POU6F2: variants seen among roughly 807,000 people sequenced by gnomAD.
The protein encoded by POU6F2 is POU domain, class 6, transcription factor 2.
POU6F2 carries 31 observed loss-of-function variants against 71.3 expected under a neutral mutation model. The observed-to-expected ratio is 0.43, with a 90% CI of 0.33 to 0.59. POU6F2 has a LOEUF of 0.59. POU6F2 is among the 20% of genes least tolerant of loss of function. The pLI is 0.04. For missense variants in POU6F2, 783 were observed against 856.8 expected (o/e 0.91, Z 1.07); for synonymous variants, 347 against 355.7 (o/e 0.98, Z 0.27).
chr7:39,276,907 TA>T (rs1784451215), intron 4 of POU6F2, among the ~76,000 whole-genome samples: 1 of 74,874 alleles, frequency 1.3e-5, no homozygotes, highest in Non-Finnish European at 2.6e-5. Flanking sequence ...TGTTGTGGGG[TA>T]GGGGGAGGGG....
At chr7:39,182,744 C>T (rs915061160) in intron 2 of POU6F2, among the ~76,000 whole-genome samples, 8 of 151,998 alleles carry the variant, frequency 5.3e-5, no homozygotes, top group African/African-American at 1.7e-4. Context: ...GTTTTCTAAC[C>T]CAGTCTTCCT....
At chr7:39,262,220 G>A (rs920504349) in intron 4 of POU6F2, among the ~76,000 whole-genome samples, 8 of 152,170 alleles carry the variant, frequency 5.3e-5, no homozygotes, top group African/African-American at 1.9e-4. Context: ...AGGTTGTTAT[G>A]AGACCTTGGT....
chr7:39,196,154 A>G (rs1793783236), intron 2 of POU6F2, among the ~76,000 whole-genome samples: 1 of 152,234 alleles, frequency 6.6e-6, no homozygotes, highest in South Asian at 2.1e-4. Context: ...CCAGGAGAGA[A>G]AAATCTGTGG....
intron 2 of POU6F2, among the ~76,000 whole-genome samples, chr7:39,189,117 A>G (rs140921521): frequency 1.3e-5 from 2 of 152,136 alleles, no homozygotes; most frequent in East Asian, 3.9e-4. Context: ...GGTGCTCACA[A>G]CTGAGGTCTT....
rs201186592 is a variant in POU6F2, at chr7:39,201,030, C to CA, written c.278-3196dup. On this transcript the variant is annotated intron_variant, in intron 2 of 9. Coordinates refer to ENST00000518318, the MANE Select transcript of POU6F2 (RefSeq NM_001370959.1). The stretch of plus-strand genomic sequence containing the variant: ...CAACAGAGTGAGATACTGTCTCTCT[C>CA]AAAAAAAAATACAAATTAAATATTT... Among the ~76,000 whole-genome samples the CA allele has an allele frequency of 2.4e-3, 359 of 149,284 alleles. 2 individuals carry two copies. Among genetic ancestry groups the CA allele is most frequent in the Middle Eastern group, 0.017 (5 of 292 alleles).
chr7:39,448,850 G>A (rs1369429115), intron 7 of POU6F2, among the ~76,000 whole-genome samples: 1 of 152,154 alleles, frequency 6.6e-6, no homozygotes, highest in Non-Finnish European at 1.5e-5. Context: ...GTATTTAGAA[G>A]GACAACTCAA....
rs889318504 is a variant in POU6F2, at chr7:39,167,086, G to A, written c.278-37149G>A. Among the ~76,000 whole-genome samples, 23 of 152,142 alleles carry A rather than the reference G, an allele frequency of 1.5e-4. No individual in the cohort carries two copies. In the East Asian group the frequency reaches 2.5e-3, roughly 17 times the overall value. On this transcript the variant is annotated intron_variant, in intron 2 of 9. Transcript: ENST00000518318. The stretch of plus-strand genomic sequence containing the variant: ...AGAATAGTTTGATTTAAATTCTTTA[G>A]TACTTTGTGTATATCCAAACAAACT...
intron 4 of POU6F2, among the ~76,000 whole-genome samples, chr7:39,252,004 A>T (rs1783929262): frequency 6.6e-6 from 1 of 152,156 alleles, no homozygotes; most frequent in Non-Finnish European, 1.5e-5. Context: ...CCTCTGATCC[A>T]TCCCTGTGTC....
chr7:39,121,475 C>G (rs1040132467), intron 2 of POU6F2, among the ~76,000 whole-genome samples: 1 of 152,180 alleles, frequency 6.6e-6, no homozygotes, highest in Non-Finnish European at 1.5e-5. Context: ...ATGATTTTCC[C>G]AACTGGTTAG....
intron 5 of POU6F2, among the ~76,000 whole-genome samples, chr7:39,346,799 C>T (rs1344238525): frequency 1.3e-5 from 2 of 152,244 alleles, no homozygotes; most frequent in Non-Finnish European, 2.9e-5. Context: ...AGCTTCAATT[C>T]ATTTCCCACA....
At chr7:39,003,874 A>G (rs2128700683) in intron 1 of POU6F2, among the ~76,000 whole-genome samples, 1 of 152,314 alleles carries the variant, frequency 6.6e-6, no homozygotes, top group Non-Finnish European at 1.5e-5. Flanking sequence ...TAAGTGAAAA[A>G]AAATAGCTTA....
intron 4 of POU6F2, among the ~76,000 whole-genome samples, chr7:39,235,338 G>T (rs1794656845): frequency 6.6e-6 from 1 of 152,122 alleles, no homozygotes. Flanking sequence ...ACTGTGGTTA[G>T]AACTTTTCAT....
intron 2 of POU6F2, among the ~76,000 whole-genome samples, chr7:39,102,098 G>T (rs1162951594): frequency 6.6e-6 from 1 of 152,144 alleles, no homozygotes; most frequent in African/African-American, 2.4e-5. Context: ...GCAGTACATT[G>T]TTAGCTAATA....
At chr7:39,449,828 C>T (rs2116110046) in intron 7 of POU6F2, among the ~76,000 whole-genome samples, 1 of 152,084 alleles carries the variant, frequency 6.6e-6, no homozygotes. Flanking sequence ...ATCTCAAAAA[C>T]AGTATGCCAA....
intron 2 of POU6F2, among the ~76,000 whole-genome samples, chr7:39,146,156 C>G (rs896756245): frequency 1.1e-4 from 17 of 152,182 alleles, no homozygotes; most frequent in Non-Finnish European, 1.8e-4. Flanking sequence ...ATCTAATTTA[C>G]TTCAAAGGAG....
intron 2 of POU6F2, among the ~76,000 whole-genome samples, chr7:39,190,989 A>G (rs1793652170): frequency 6.6e-6 from 1 of 152,182 alleles, no homozygotes; most frequent in South Asian, 2.1e-4. Flanking sequence ...CCAGAAAGAC[A>G]TTTTAACCCA....
In POU6F2 at chr7:39,412,778, C is replaced by CTTTTTTTTTT. The variant is rs1166811956; in HGVS notation, c.1113+6070_1113+6079dup. On this transcript the variant is annotated intron_variant, in intron 6 of 9. Coordinates refer to ENST00000518318, the MANE Select transcript of POU6F2 (RefSeq NM_001370959.1). ...TCCGTATTAGCTTCAGTTTTCTTGC[C>CTTTTTTTTTT]TTTTTTTTTTTTTTTTTTTTTTTTT... Among the ~76,000 whole-genome samples, 28 of 23,192 alleles carry CTTTTTTTTTT rather than the reference C, an allele frequency of 1.2e-3. 13 individuals are homozygous for CTTTTTTTTTT. The highest frequency in any genetic ancestry group is 2.0e-3 in the Non-Finnish European group (19 of 9,474). The allele number at this position is 23,192 out of a possible 152,430, so 15.2% of individuals were successfully genotyped here. A position where few individuals can be genotyped will look rare whatever the true frequency, so the allele number is the denominator to read the frequency against.
chr7:39,272,585 G>C (rs1474442287), intron 4 of POU6F2, among the ~76,000 whole-genome samples: 1 of 152,200 alleles, frequency 6.6e-6, no homozygotes, highest in Admixed American at 6.5e-5. Context: ...GGAGCTCCCT[G>C]AAAATAAATA....
At chr7:39,258,809 A>G (rs1444197619) in intron 4 of POU6F2, among the ~76,000 whole-genome samples, 1 of 152,160 alleles carries the variant, frequency 6.6e-6, no homozygotes, top group Non-Finnish European at 1.5e-5. Flanking sequence ...GCTACAAACC[A>G]CCTTGCTCAT....
Sources: allele counts gnomAD v4.1 joint callset (sites outside exome capture counted in the v4.1 genomes callset), GRCh38; gene constraint gnomAD v4.1.1; transcripts MANE v1.5; gene names NCBI Gene and HGNC (gene_info 2026-07-23, HGNC 2026-07-21).